The following PDE4D variants were observed in gnomAD, a reference collection of about 807,000 sequenced individuals.
PDE4D encodes phosphodiesterase 4D.
In PDE4D, 24 loss-of-function variants were observed where a neutral mutation model predicts 87.4. That is an observed-to-expected ratio of 0.27 (90% CI 0.20 to 0.39). The LOEUF (loss-of-function observed/expected upper bound fraction) is 0.39. Ranked by LOEUF, PDE4D falls within the 10% of genes least tolerant of loss-of-function variation. PDE4D has a pLI of 1.00. For synonymous variants in PDE4D, 384 were observed against 383.2 expected, an observed-to-expected ratio of 1.00 and a Z score of -0.02; for missense variants, 714 against 1,041.0, an observed-to-expected ratio of 0.69 and a Z score of 4.32.
chr5:59,469,455 A>G (rs766822021), intron 1 of PDE4D, among the ~76,000 whole-genome samples: 3 of 152,228 alleles, frequency 2.0e-5, no homozygotes, highest in Non-Finnish European at 4.4e-5. Context: ...GGCAAACATC[A>G]GTAGTTTTCA....
chr5:60,307,183 T>C (rs762661558), intron 1 of PDE4D, among the ~76,000 whole-genome samples: 3 of 152,156 alleles, frequency 2.0e-5, no homozygotes, highest in Non-Finnish European at 4.4e-5. Flanking sequence ...TTGTAAATAC[T>C]TTAAACAACG....
chr5:60,119,936 T>C (rs1778522745), intron 2 of PDE4D, among the ~76,000 whole-genome samples: 2 of 152,138 alleles, frequency 1.3e-5, no homozygotes, highest in Non-Finnish European at 2.9e-5. Context: ...TCATATGAGC[T>C]CACACTGAGA....
chr5:59,261,597 G>C (rs1762020548), intron 1 of PDE4D, among the ~76,000 whole-genome samples: 1 of 151,700 alleles, frequency 6.6e-6, no homozygotes. Context: ...CATTTTATGA[G>C]TTAATTTTGT....
At chr5:59,639,252 T>C (rs943371712) in intron 1 of PDE4D, among the ~76,000 whole-genome samples, 1 of 152,188 alleles carries the variant, frequency 6.6e-6, no homozygotes, top group South Asian at 2.1e-4. Context: ...ATAAACAATA[T>C]TGTGATGAAC....
At chr5:59,942,289 T>C (rs57477411) in intron 3 of PDE4D, among the ~76,000 whole-genome samples, 35,810 of 152,168 alleles carry the variant, frequency 0.24, 5,192 homozygotes, top group Admixed American at 0.34. Context: ...CTCAAGATGT[T>C]ATGCCAAAAG....
chr5:58,988,583 TA>T lies in PDE4D; in HGVS notation c.1461del (p.Phe487LeufsTer18). On this transcript the variant is annotated frameshift_variant, in exon 11 of 15. Transcript: ENST00000340635. LOFTEE classifies it high-confidence loss of function. The part of the protein sequence containing the change: ...LLSTPALEAV[F>X]TDLEILAAIF... ...ATTGCTGCAAGAATCTCCAAATCTG[TA>T]AACACAGCCTGGAAAATCAGACAAT... The T allele has an allele frequency of 6.7e-7, 1 of 1,482,078 alleles. No homozygotes were observed. Among genetic ancestry groups the T allele is most frequent in the Non-Finnish European group, 9.1e-7 (1 of 1,101,318 alleles). 91.8% of individuals were successfully genotyped at this position (1,482,078 alleles called of 1,614,324 possible). A position where few individuals can be genotyped will look rare whatever the true frequency, so the allele number is the denominator to read the frequency against.
chr5:59,356,980 T>C, intron 1 of PDE4D: 5 of 1,112,588 alleles, frequency 4.5e-6, no homozygotes, highest in Non-Finnish European at 5.9e-6. Flanking sequence ...TGCAGTGGTA[T>C]GCGCTGACAG....
chr5:59,401,214 G>T (rs960562921), intron 1 of PDE4D, among the ~76,000 whole-genome samples: 3 of 152,192 alleles, frequency 2.0e-5, no homozygotes, highest in Admixed American at 1.3e-4. Flanking sequence ...GGTGGCCAAG[G>T]CAGGAGAATC....
At chr5:59,186,476 G>A (rs1263002973) in intron 3 of PDE4D, among the ~76,000 whole-genome samples, 1 of 152,160 alleles carries the variant, frequency 6.6e-6, no homozygotes, top group Non-Finnish European at 1.5e-5. Context: ...TTAATGCCTA[G>A]CATTGGTAAT....
chr5:60,063,315 A>G (rs1326329537), intron 2 of PDE4D, among the ~76,000 whole-genome samples: 2 of 152,126 alleles, frequency 1.3e-5, no homozygotes, highest in African/African-American at 4.8e-5. Context: ...TTTATTGAGC[A>G]AATGCTTTGT....
intron 2 of PDE4D, among the ~76,000 whole-genome samples, chr5:60,088,183 A>C (rs1344609587): frequency 1.3e-5 from 2 of 152,022 alleles, no homozygotes; most frequent in African/African-American, 4.8e-5. Flanking sequence ...AAAAAGAGAT[A>C]AAAAACTTTC....
chr5:60,223,082 T>G (rs1456357909), intron 1 of PDE4D, among the ~76,000 whole-genome samples: 1 of 152,112 alleles, frequency 6.6e-6, no homozygotes, highest in Admixed American at 6.6e-5. Flanking sequence ...TCTTGTTAAG[T>G]GTGGTTGGCA....
chr5:59,081,112 G>T (rs1766662824), intron 5 of PDE4D, among the ~76,000 whole-genome samples: 1 of 152,136 alleles, frequency 6.6e-6, no homozygotes, highest in African/African-American at 2.4e-5. Context: ...ATAGAGTCCT[G>T]CTATCTTCAA....
intron 1 of PDE4D, among the ~76,000 whole-genome samples, chr5:59,517,906 A>G (rs185855537): frequency 1.6e-4 from 24 of 152,310 alleles, no homozygotes; most frequent in African/African-American, 5.3e-4. Flanking sequence ...AAAAAAGATA[A>G]TGCTAATACC....
At chr5:59,005,973 T>C (rs1751522291) in intron 6 of PDE4D, among the ~76,000 whole-genome samples, 1 of 152,246 alleles carries the variant, frequency 6.6e-6, no homozygotes, top group Non-Finnish European at 1.5e-5. Flanking sequence ...ACTATCACCA[T>C]GGTCAGATCT....
intron 1 of PDE4D, among the ~76,000 whole-genome samples, chr5:60,282,946 C>T (rs1173545022): frequency 6.6e-6 from 1 of 152,112 alleles, no homozygotes; most frequent in Admixed American, 6.6e-5. Flanking sequence ...ATACTTTATA[C>T]TGGTAAATAT....
At chr5:59,128,015 CGTGTGTGTGTGTGTGTGT>C (rs55796726) in intron 5 of PDE4D, among the ~76,000 whole-genome samples, 3 of 144,332 alleles carry the variant, frequency 2.1e-5, no homozygotes, top group Admixed American at 7.0e-5. Flanking sequence ...CTTTCAGAGC[CGTGTGTGTGTGTGTGTGT>C]GTGTGTGTGT....
At chr5:59,893,041 C>G in intron 1 of PDE4D, 127 bp downstream of exon 1, 1 of 986,712 alleles carries the variant, frequency 1.0e-6, no homozygotes, top group South Asian at 1.6e-5. Context: ...TTGTCCTCCC[C>G]CAATTTCCAG....
At chr5:59,474,490 C>A (rs1012423791) in intron 1 of PDE4D, among the ~76,000 whole-genome samples, 4 of 152,046 alleles carry the variant, frequency 2.6e-5, no homozygotes, top group Non-Finnish European at 5.9e-5. Flanking sequence ...ATGGGATATA[C>A]TTTGACCAAT....
Sources: gnomAD v4.1 joint callset for allele counts (sites outside exome capture counted in the v4.1 genomes callset) on GRCh38, gnomAD v4.1.1 for gene constraint, MANE v1.5 for transcripts, NCBI Gene and HGNC (gene_info 2026-07-23, HGNC 2026-07-21) for gene names.